The following MGAT4C variants were observed in gnomAD, a reference collection of about 807,000 sequenced individuals.
The protein encoded by MGAT4C is alpha-1,3-mannosyl-glycoprotein 4-beta-N-acetylglucosaminyltransferase C.
A neutral mutation model predicts 40.1 loss-of-function variants in MGAT4C; 19 were observed. That is an observed-to-expected ratio of 0.47 (90% CI 0.33 to 0.70). The LOEUF is 0.70. MGAT4C is among the 30% of genes least tolerant of loss of function. The pLI, the probability that MGAT4C is intolerant of heterozygous loss-of-function variation, is 0.02. For synonymous variants in MGAT4C, 181 were observed against 187.1 expected, an observed-to-expected ratio of 0.97 and a Z score of 0.27; for missense variants, 491 against 563.2, an observed-to-expected ratio of 0.87 and a Z score of 1.30.
intron 2 of MGAT4C, among the ~76,000 whole-genome samples, chr12:86,649,872 A>G (rs1275812299): frequency 6.6e-6 from 1 of 151,924 alleles, no homozygotes; most frequent in Non-Finnish European, 1.5e-5. Context: ...TACCTATACT[A>G]TTTTATAAAT....
At chr12:86,290,713 GA>G (rs147119867) in intron 4 of MGAT4C, among the ~76,000 whole-genome samples, 14,465 of 111,676 alleles carry the variant, frequency 0.13, 755 homozygotes, top group Middle Eastern at 0.27. Context: ...GTTAAGGAAA[GA>G]AAAAAAAAAA....
chr12:86,273,156 G>A (rs1952990883), intron 4 of MGAT4C, among the ~76,000 whole-genome samples: 1 of 152,124 alleles, frequency 6.6e-6, no homozygotes, highest in African/African-American at 2.4e-5. Context: ...TTTCCTGGAT[G>A]TAGCATGGAT....
intron 3 of MGAT4C, among the ~76,000 whole-genome samples, chr12:86,361,854 G>T (rs1592743382): frequency 6.6e-6 from 1 of 152,346 alleles, no homozygotes; most frequent in Admixed American, 6.5e-5. Flanking sequence ...TGGAGAAAAT[G>T]TGGAGAAACA....
chr12:86,721,579 C>G (rs1433012530), intron 2 of MGAT4C, among the ~76,000 whole-genome samples: 3 of 152,070 alleles, frequency 2.0e-5, no homozygotes, highest in Non-Finnish European at 4.4e-5. Flanking sequence ...GATTGGGGAG[C>G]TAGGGAAGAC....
At chr12:86,070,105 G>C (rs61931138) in intron 1 of MGAT4C, among the ~76,000 whole-genome samples, 1 of 146,220 alleles carries the variant, frequency 6.8e-6, no homozygotes, top group Non-Finnish European at 1.5e-5. Flanking sequence ...TTTTTTTTTG[G>C]AAATCTGGAA....
intron 1 of MGAT4C, among the ~76,000 whole-genome samples, chr12:86,751,293 C>T (rs1371571796): frequency 6.6e-6 from 1 of 151,894 alleles, no homozygotes; most frequent in Non-Finnish European, 1.5e-5. Context: ...GCCATGTGGT[C>T]GTAGAAATTT....
Position 85,964,778 on chromosome 12 carries a change from A to G in MGAT4C, c.*14511T>C, listed in dbSNP as rs1444820862. The G allele has an allele frequency of 6.6e-6, 1 of 152,116 alleles. No individual in the cohort carries two copies. The highest frequency in any genetic ancestry group is 6.6e-5 in the Admixed American group (1 of 15,256). The allele number at this position is 152,116 out of a possible 1,614,324, so 9.4% of individuals were successfully genotyped here. ...ATTTTTTTTTCCTACAGAGTCTGCC[A>G]TATGGAGAAGTAGAATGAGAGGCCA... On this transcript the variant is annotated 3_prime_UTR_variant, in exon 5 of 5. Transcript: ENST00000611864.
chr12:86,096,892 A>G (rs938050309), intron 1 of MGAT4C, among the ~76,000 whole-genome samples: 5 of 151,572 alleles, frequency 3.3e-5, no homozygotes, highest in African/African-American at 9.7e-5. Context: ...TCTGTTTGCA[A>G]TGCTGATTTC....
At chr12:86,724,884 C>A (rs552620641) in intron 2 of MGAT4C, among the ~76,000 whole-genome samples, 1 of 152,158 alleles carries the variant, frequency 6.6e-6, no homozygotes, top group African/African-American at 2.4e-5. Context: ...GTGCTGAAAG[C>A]GGATGTTAAG....
intron 2 of MGAT4C, among the ~76,000 whole-genome samples, chr12:86,625,787 G>T (rs952373533): frequency 2.6e-5 from 4 of 151,702 alleles, no homozygotes; most frequent in Admixed American, 1.3e-4. Flanking sequence ...AAAGTAAAAT[G>T]GAAATGGAAT....
chr12:86,762,621 T>C (rs1951427696), intron 1 of MGAT4C, among the ~76,000 whole-genome samples: 1 of 152,202 alleles, frequency 6.6e-6, no homozygotes, highest in Non-Finnish European at 1.5e-5. Flanking sequence ...CATTTTCCCC[T>C]GGTTAAGTAA....
chr12:86,657,815 T>C (rs921321197), intron 2 of MGAT4C, among the ~76,000 whole-genome samples: 1 of 151,904 alleles, frequency 6.6e-6, no homozygotes, highest in Non-Finnish European at 1.5e-5. Flanking sequence ...CAGTGAAATA[T>C]TTTCACTGAA....
chr12:86,023,634 TTTA>T (rs1306340085), intron 2 of MGAT4C, among the ~76,000 whole-genome samples: 10 of 149,002 alleles, frequency 6.7e-5, no homozygotes, highest in Admixed American at 1.3e-4. Context: ...TTTACAAATA[TTTA>T]TTATTATATA....
intron 1 of MGAT4C, among the ~76,000 whole-genome samples, chr12:86,116,690 CA>C (rs1305936520): frequency 2.6e-5 from 4 of 151,988 alleles, no homozygotes; most frequent in African/African-American, 9.7e-5. Context: ...AAGTATCTGT[CA>C]GTCAAGTTGA....
intron 2 of MGAT4C, among the ~76,000 whole-genome samples, chr12:86,624,231 G>T (rs1190161434): frequency 1.3e-5 from 2 of 152,188 alleles, no homozygotes; most frequent in Non-Finnish European, 2.9e-5. Context: ...GATGTCCACA[G>T]GGGACTCTGA....
chr12:86,472,535 C>A (rs1456005112), intron 2 of MGAT4C, among the ~76,000 whole-genome samples: 4 of 151,984 alleles, frequency 2.6e-5, no homozygotes, highest in Admixed American at 6.6e-5. Context: ...GAATGAAGTT[C>A]TAATTTATTT....
intron 3 of MGAT4C, among the ~76,000 whole-genome samples, chr12:86,405,325 A>T (rs1220624864): frequency 6.6e-6 from 1 of 152,076 alleles, no homozygotes; most frequent in Non-Finnish European, 1.5e-5. Flanking sequence ...GAAGTCAATT[A>T]TATTTTTATA....
At chr12:86,677,185 G>A (rs1949881435) in intron 2 of MGAT4C, among the ~76,000 whole-genome samples, 1 of 152,002 alleles carries the variant, frequency 6.6e-6, no homozygotes, top group Admixed American at 6.6e-5. Flanking sequence ...AAACCACGTG[G>A]GAAATCATAA....
chr12:86,287,661 C>A (rs965153522), intron 4 of MGAT4C, among the ~76,000 whole-genome samples: 5 of 152,132 alleles, frequency 3.3e-5, no homozygotes, highest in African/African-American at 1.2e-4. Flanking sequence ...CCAGCTTCAT[C>A]CACGTCCCTG....
Sources: allele counts gnomAD v4.1 joint callset (sites outside exome capture counted in the v4.1 genomes callset), GRCh38; gene constraint gnomAD v4.1.1; transcripts MANE v1.5; gene names NCBI Gene and HGNC (gene_info 2026-07-23, HGNC 2026-07-21).